USP54: variants seen among roughly 807,000 people sequenced by gnomAD.
USP54 encodes the protein ubiquitin specific peptidase 54.
USP54 carries 87 observed loss-of-function variants against 170.5 expected under a neutral mutation model. The observed-to-expected ratio is 0.51, with a 90% CI of 0.43 to 0.61. The LOEUF is 0.61. Among genes scored for constraint, USP54 ranks in the 20% least tolerant of loss-of-function variants. The pLI is 0.00. For synonymous variants in USP54, 655 were observed against 742.8 expected (o/e 0.88, Z 1.92); for missense variants, 1,786 against 2,047.8 (o/e 0.87, Z 2.47).
intron 1 of USP54, among the ~76,000 whole-genome samples, chr10:73,619,739 A>T (rs1291509725): frequency 6.6e-6 from 1 of 150,582 alleles, no homozygotes; most frequent in Non-Finnish European, 1.5e-5. Flanking sequence ...AACCAAAAAT[A>T]GGAAGCACCT....
chr10:73,535,802 C>T (rs915718525), intron 11 of USP54, among the ~76,000 whole-genome samples: 2 of 152,102 alleles, frequency 1.3e-5, no homozygotes, highest in Admixed American at 6.6e-5. Flanking sequence ...CCTCAGCCTC[C>T]CAAATAGCTA....
chr10:73,583,575 T>G (rs2077135200), intron 1 of USP54, among the ~76,000 whole-genome samples: 1 of 152,138 alleles, frequency 6.6e-6, no homozygotes, highest in East Asian at 1.9e-4. Context: ...CGTGAGCCAC[T>G]GCACCTGGCC....
chr10:73,561,993 C>T (rs1236887680), intron 4 of USP54, among the ~76,000 whole-genome samples: 6 of 151,894 alleles, frequency 4.0e-5, no homozygotes, highest in East Asian at 1.9e-4. Context: ...CCCAGCTATT[C>T]GGGAGGCTGA....
chr10:73,521,104 C>A (rs1267507253), intron 17 of USP54, 77 bp from the exon 18 acceptor site: 1 of 1,581,098 alleles, frequency 6.3e-7, no homozygotes, highest in Non-Finnish European at 8.6e-7. Flanking sequence ...CCCTTCAGTA[C>A]ACAGAGATCC....
At chr10:73,606,346 A>G (rs1457268268) in intron 1 of USP54, 1 of 152,026 alleles carries the variant, frequency 6.6e-6, no homozygotes, top group Non-Finnish European at 1.5e-5. Flanking sequence ...TCAAAACACA[A>G]AGTGGGGTGT....
At chr10:73,536,747 C>T (rs1035908946) in intron 10 of USP54, among the ~76,000 whole-genome samples, 4 of 152,188 alleles carry the variant, frequency 2.6e-5, no homozygotes, top group Admixed American at 6.5e-5. Flanking sequence ...GGATATGCTA[C>T]GTGAGGGAAC....
At chr10:73,547,145 G>T (rs1393047823) in intron 4 of USP54, among the ~76,000 whole-genome samples, 1 of 152,170 alleles carries the variant, frequency 6.6e-6, no homozygotes, top group Non-Finnish European at 1.5e-5. Context: ...TCAGCCAGGT[G>T]CAGTGGCACA....
At chr10:73,590,346 C>T (rs1423398197) in intron 1 of USP54, among the ~76,000 whole-genome samples, 1 of 152,166 alleles carries the variant, frequency 6.6e-6, no homozygotes, top group African/African-American at 2.4e-5. Context: ...AGTGCCTCAA[C>T]TGAACAGCAA....
intron 1 of USP54, among the ~76,000 whole-genome samples, chr10:73,612,659 T>C (rs1055492238): frequency 6.6e-6 from 1 of 151,824 alleles, no homozygotes; most frequent in African/African-American, 2.4e-5. Flanking sequence ...CTGGCCAACA[T>C]AGCAAAACCC....
At chr10:73,540,025 T>C (rs1189806630) in intron 9 of USP54, among the ~76,000 whole-genome samples, 3 of 151,642 alleles carry the variant, frequency 2.0e-5, no homozygotes, top group African/African-American at 7.3e-5. Flanking sequence ...ACTTGAGACG[T>C]TGAGGCAGGA....
intron 1 of USP54, among the ~76,000 whole-genome samples, chr10:73,579,648 T>G (rs1264482278): frequency 6.6e-6 from 1 of 151,966 alleles, no homozygotes. Context: ...TCTCAGCTAC[T>G]TGGGAGGCTG....
At chr10:73,510,311 G>A (rs2059994702) in intron 20 of USP54, among the ~76,000 whole-genome samples, 1 of 151,764 alleles carries the variant, frequency 6.6e-6, no homozygotes, top group African/African-American at 2.4e-5. Context: ...CTCCAGCCTG[G>A]GAGATAGAAC....
chr10:73,534,923 C>T (rs2064916062), intron 11 of USP54, among the ~76,000 whole-genome samples, 153 bp from the exon 12 acceptor site: 1 of 152,154 alleles, frequency 6.6e-6, no homozygotes, highest in Admixed American at 6.6e-5. Flanking sequence ...GCCATTCTTC[C>T]CAACACCCAA....
At chr10:73,500,561 T>C (rs1033136797) in intron 23 of USP54, 94 bp downstream of exon 23, 2 of 1,231,194 alleles carry the variant, frequency 1.6e-6, no homozygotes, top group Admixed American at 2.6e-5. Flanking sequence ...CACCTTGGGA[T>C]ACCCCCCTCC....
chr10:73,544,228 C>A (rs2067252608), intron 5 of USP54, among the ~76,000 whole-genome samples: 1 of 152,214 alleles, frequency 6.6e-6, no homozygotes. Flanking sequence ...CAGGAGTGAG[C>A]CCGGCCAGCA....
chr10:73,586,835 C>T (rs2077542581), intron 1 of USP54, among the ~76,000 whole-genome samples: 1 of 152,220 alleles, frequency 6.6e-6, no homozygotes, highest in Non-Finnish European at 1.5e-5. Context: ...CGAATAGTTA[C>T]TCAACTCAAA....
At position 73,540,821 on chromosome 10, in the gene USP54, C is replaced by G. The variant is rs10465980; in HGVS notation, c.825+554G>C. On this transcript the variant is annotated intron_variant, in intron 9 of 23. Coordinates refer to ENST00000687698, the MANE Select transcript of USP54 (RefSeq NM_001391956.1). ...TTAGGAAGAAAACCTAAAATAAGAT[C>G]CCAGAAAGTTCATTTATTCTCAGTC... Among the ~76,000 whole-genome samples, 1,479 of 152,188 alleles carry G rather than the reference C, an allele frequency of 9.7e-3. 31 individuals carry two copies. Among genetic ancestry groups the G allele is most frequent in the African/African-American group, 0.033 (1,385 of 41,544 alleles).
rs751377297 is a variant in USP54 at position 73,544,135 on chromosome 10, G to A, written c.376-1004C>T. 5.9e-4 allele frequency among the ~76,000 whole-genome samples: 90 copies of A among 151,934 alleles called. 1 individual carries two copies. The highest frequency in any genetic ancestry group is 2.1e-4 in the South Asian group (1 of 4,824). ...GTTTTGTGTTTTTAATAGAGACGGCGTTTCACCACGTTGACCAGGCTGCTC... is the reference window on the plus strand; with the variant it reads ...GTTTTGTGTTTTTAATAGAGACGGCATTTCACCACGTTGACCAGGCTGCTC... On this transcript the variant is annotated intron_variant, in intron 5 of 23. Transcript: ENST00000687698.
Position 73,499,056 on chromosome 10 carries a change from G to A in USP54, c.4628C>T (p.Ala1543Val), listed in dbSNP as rs2057495474. The A allele has an allele frequency of 1.2e-6, 2 of 1,614,180 alleles. No homozygotes were observed. The highest frequency in any genetic ancestry group is 4.5e-5 in the East Asian group (2 of 44,874). Residue 1543 changes from alanine (A) to valine (V), a missense_variant, in exon 24 of 24, where the codon GCA becomes GTA. Around this residue, in one of 3 missense-constraint regions of USP54, gnomAD observed 1,418 missense variants for 1,569.0 expected, o/e 0.90. Coordinates refer to ENST00000687698, the MANE Select transcript of USP54 (RefSeq NM_001391956.1). ...PHRSRTDNSW[A>V]PWSETNQHIG... ...ATGCTGGTTGGTCTCTGACCAGGGT[G>A]CCCAGGAGTTGTCTGTTCTGGAGCG...
Sources: gnomAD v4.1 joint callset for allele counts (sites outside exome capture counted in the v4.1 genomes callset) on GRCh38, gnomAD v4.1.1 for gene constraint, gnomAD v4.1.1 regional missense constraint, MANE v1.5 for transcripts, NCBI Gene and HGNC (gene_info 2026-07-23, HGNC 2026-07-21) for gene names.